The following HHAT variants were observed in gnomAD, a reference collection of about 807,000 sequenced individuals.
The protein encoded by HHAT is hedgehog acyltransferase.
HHAT carries 47 observed loss-of-function variants against 70.8 expected under a neutral mutation model. That is an observed-to-expected ratio of 0.66 (90% CI 0.53 to 0.85). The LOEUF is 0.85. Among genes scored for constraint, HHAT ranks in the 40% least tolerant of loss-of-function variants. HHAT has a pLI of 0.00. For missense variants in HHAT, 609 were observed against 604.8 expected, an observed-to-expected ratio of 1.01 and a Z score of -0.07; for synonymous variants, 228 against 247.6, an observed-to-expected ratio of 0.92 and a Z score of 0.74.
At chr1:210,608,991 T>C (rs996801370) in intron 10 of HHAT, among the ~76,000 whole-genome samples, 3 of 152,116 alleles carry the variant, frequency 2.0e-5, no homozygotes, top group Non-Finnish European at 4.4e-5. Context: ...AAGAGCCCCT[T>C]ATAAAACCGT....
chr1:210,496,010 CAA>C (rs10639399), intron 8 of HHAT, among the ~76,000 whole-genome samples: 1,152 of 67,876 alleles, frequency 0.017, 14 homozygotes, highest in African/African-American at 0.071. Context: ...AACTCTATCT[CAA>C]AAAAAAAAAA....
At chr1:210,379,306 C>T (rs1432235160) in intron 3 of HHAT, among the ~76,000 whole-genome samples, 1 of 152,214 alleles carries the variant, frequency 6.6e-6, no homozygotes, top group Non-Finnish European at 1.5e-5. Context: ...TGTATTTGTT[C>T]ATGAGAAGCT....
chr1:210,425,441 C>T (rs765492926), intron 7 of HHAT, among the ~76,000 whole-genome samples: 1 of 152,106 alleles, frequency 6.6e-6, no homozygotes, highest in Non-Finnish European at 1.5e-5. Flanking sequence ...AATGGTATTG[C>T]CTAGATTGTC....
chr1:210,471,663 TAGC>T (rs956462929), intron 8 of HHAT, among the ~76,000 whole-genome samples: 2 of 152,000 alleles, frequency 1.3e-5, no homozygotes, highest in Admixed American at 6.6e-5. Context: ...ATAACAGCAA[TAGC>T]AGCAGCAGCA....
chr1:210,616,647 T>C (rs140547875), intron 10 of HHAT, among the ~76,000 whole-genome samples: 26 of 152,362 alleles, frequency 1.7e-4, no homozygotes, highest in East Asian at 5.8e-4. Context: ...ATCTTGAAGG[T>C]TGCAGTTGAG....
intron 11 of HHAT, among the ~76,000 whole-genome samples, chr1:210,669,592 G>T (rs1019873764): frequency 6.6e-6 from 1 of 152,152 alleles, no homozygotes; most frequent in African/African-American, 2.4e-5. Flanking sequence ...TGCAACTGTT[G>T]TCTGACTTTC....
intron 1 of HHAT, among the ~76,000 whole-genome samples, chr1:210,345,043 C>T (rs2086394081): frequency 6.6e-6 from 1 of 152,172 alleles, no homozygotes; most frequent in African/African-American, 2.4e-5. Context: ...GACCGTCTTC[C>T]CCATGGCTAG....
chr1:210,581,624 C>A (rs1159968933), intron 9 of HHAT, among the ~76,000 whole-genome samples: 2 of 152,178 alleles, frequency 1.3e-5, no homozygotes, highest in African/African-American at 4.8e-5. Context: ...TGGAGTAGTT[C>A]CAGAGGTGTG....
intron 9 of HHAT, among the ~76,000 whole-genome samples, chr1:210,551,701 T>C (rs2148684096): frequency 6.6e-6 from 1 of 152,332 alleles, no homozygotes; most frequent in South Asian, 2.1e-4. Flanking sequence ...GCAACATTAA[T>C]GAACGATTTA....
In HHAT at chr1:210,418,198, C is replaced by T; in HGVS notation, c.729C>T (p.Val243=). 6.2e-7 allele frequency: 1 copy of T among 1,614,154 alleles called. No homozygotes were observed. The highest frequency in any genetic ancestry group is 1.7e-5 in the Admixed American group (1 of 60,026). Residue 243 remains valine (V), a synonymous_variant, in exon 7 of 12, where the codon GTC becomes GTT. Transcript: ENST00000261458. ...EHDSLKASLC[V]LALGLGRLLC... The stretch of plus-strand genomic sequence containing the variant: ...ACTCCCTGAAGGCCAGCCTGTGTGT[C>T]CTGGCCCTGGGGCTGGGCCGCCTTC...
chr1:210,454,277 G>T (rs1026536709), intron 7 of HHAT, among the ~76,000 whole-genome samples: 1 of 152,128 alleles, frequency 6.6e-6, no homozygotes, highest in African/African-American at 2.4e-5. Flanking sequence ...CCTTCGGCCG[G>T]GCACGGTGAC....
intron 1 of HHAT, among the ~76,000 whole-genome samples, chr1:210,344,473 A>C (rs1295690207): frequency 6.6e-6 from 1 of 152,076 alleles, no homozygotes; most frequent in Non-Finnish European, 1.5e-5. Flanking sequence ...CCAGTGTGTG[A>C]ATGTAACTGA....
At chr1:210,511,706 A>G (rs1467932136) in intron 8 of HHAT, among the ~76,000 whole-genome samples, 6 of 151,422 alleles carry the variant, frequency 4.0e-5, no homozygotes, top group African/African-American at 1.5e-4. Context: ...GTGGGATGCA[A>G]CCACCACCCG....
At chr1:210,429,070 A>G (rs1317100713) in intron 7 of HHAT, among the ~76,000 whole-genome samples, 1 of 151,870 alleles carries the variant, frequency 6.6e-6, no homozygotes, top group African/African-American at 2.4e-5. Flanking sequence ...TACCTATCAT[A>G]TCACCTATGA....
chr1:210,479,195 C>T (rs566132166), intron 8 of HHAT, among the ~76,000 whole-genome samples: 4 of 152,306 alleles, frequency 2.6e-5, no homozygotes, highest in South Asian at 2.1e-4. Flanking sequence ...ATCAATACTT[C>T]GCTTACAGAC....
intron 1 of HHAT, chr1:210,329,502 G>A: frequency 2.0e-6 from 2 of 1,003,236 alleles, no homozygotes; most frequent in South Asian, 4.7e-5. Flanking sequence ...CTTCCTTTGC[G>A]TTCTATCTTC....
chr1:210,587,315 G>C (rs1168133168), intron 9 of HHAT, among the ~76,000 whole-genome samples: 2 of 152,356 alleles, frequency 1.3e-5, no homozygotes, highest in Middle Eastern at 3.4e-3. Context: ...CATGGCGCCA[G>C]GCCGGAGAGC....
intron 10 of HHAT, among the ~76,000 whole-genome samples, chr1:210,594,980 A>ACTAT (rs1279233620): frequency 6.7e-6 from 1 of 149,806 alleles, no homozygotes; most frequent in Non-Finnish European, 1.5e-5. Flanking sequence ...TTTTAAATTA[A>ACTAT]TTTATTTAAG....
At chr1:210,487,569 G>T (rs2094492153) in intron 8 of HHAT, among the ~76,000 whole-genome samples, 1 of 152,158 alleles carries the variant, frequency 6.6e-6, no homozygotes, top group Non-Finnish European at 1.5e-5. Context: ...ACACTGAGAG[G>T]TATGGATAAT....
Sources: allele counts gnomAD v4.1 joint callset (sites outside exome capture counted in the v4.1 genomes callset), GRCh38; gene constraint gnomAD v4.1.1; transcripts MANE v1.5; gene names NCBI Gene and HGNC (gene_info 2026-07-23, HGNC 2026-07-21).